Variants in MACF1 observed in about 807,000 individuals in gnomAD.
The protein encoded by MACF1 is microtubule-actin cross-linking factor 1.
In MACF1, 193 loss-of-function variants were observed where a neutral mutation model predicts 854.8. The observed-to-expected ratio is 0.23, with a 90% CI of 0.20 to 0.25. The LOEUF is 0.25. Ranked by LOEUF, MACF1 falls within the 10% of genes least tolerant of loss-of-function variation. The pLI is 1.00. For synonymous variants in MACF1, 3,185 were observed against 3,226.7 expected (o/e 0.99, Z 0.44); for missense variants, 7,722 against 8,929.1 (o/e 0.86, Z 5.45).
Position 39,335,255 on chromosome 1 carries a change from A to T in MACF1, c.8667A>T (p.Glu2889Asp). The change falls in exon 37 of 101, where the codon GAA becomes GAT. Residue 2889 changes from glutamate (E) to aspartate (D), a missense_variant. Around this residue, in one of 15 missense-constraint regions of MACF1, gnomAD observed 854 missense variants for 852.6 expected, o/e 1.00. Transcript: ENST00000564288. ...GQVSLTHPYS[E>D]CDFKLKEVAR... Reference sequence around the variant, plus strand: ...TGTCATTGACACACCCTTACTCTGAATGTGATTTTAAACTTAAAGAAGTGG... The same window carrying T: ...TGTCATTGACACACCCTTACTCTGATTGTGATTTTAAACTTAAAGAAGTGG... 6.2e-7 allele frequency: 1 copy of T among 1,614,072 alleles called. No homozygotes were observed. The highest frequency in any genetic ancestry group is 2.2e-5 in the East Asian group (1 of 44,866).
At chr1:39,111,314 G>A (rs1009266513) in intron 2 of MACF1, among the ~76,000 whole-genome samples, 4 of 152,080 alleles carry the variant, frequency 2.6e-5, no homozygotes, top group African/African-American at 9.7e-5. Flanking sequence ...TCCCATCTCA[G>A]CCTCCGGAGT....
chr1:39,333,925 C>T lies in MACF1; in HGVS notation c.7337C>T (p.Ser2446Phe). 6.2e-7 allele frequency: 1 copy of T among 1,613,976 alleles called. No homozygotes were observed. The highest frequency in any genetic ancestry group is 1.7e-5 in the Admixed American group (1 of 60,000). Residue 2446 changes from serine to phenylalanine, a missense_variant, in exon 37 of 101, where the codon TCC becomes TTC. Transcript: ENST00000564288. ...GAACTTATAAATCTGGAGAAAGCTT[C>T]CAAAGGTAGAGATGCTGAAAAAACA... ...QPELINLEKA[S>F]KGRDAEKTVR...
chr1:39,468,738 G>A lies in MACF1; in HGVS notation c.21889+6G>A, dbSNP rs776860541. ...GAAAAATGATCCCTGCCGAGGTAAG[G>A]AACCATTCTAAGCATGAATTACGTG... On this transcript the variant is annotated splice_donor_region_variant and intron_variant, in intron 96 of 100. Transcript: ENST00000564288. 2.0e-5 allele frequency: 32 copies of A among 1,611,250 alleles called. 1 individual carries two copies. The East Asian group carries it at 7.1e-4, about 36-fold the overall frequency.
chr1:39,467,015 C>T (rs1320809674), intron 95 of MACF1, among the ~76,000 whole-genome samples: 1 of 152,152 alleles, frequency 6.6e-6, no homozygotes, highest in Non-Finnish European at 1.5e-5. Flanking sequence ...CTCAGATATC[C>T]TTTCTTGCAT....
chr1:39,086,059 A>C (rs1641667098), intron 2 of MACF1, among the ~76,000 whole-genome samples: 1 of 152,154 alleles, frequency 6.6e-6, no homozygotes, highest in Non-Finnish European at 1.5e-5. Flanking sequence ...CAGTTAACCC[A>C]CAGGGTGCCC....
intron 79 of MACF1, 111 bp downstream of exon 79, chr1:39,443,685 T>G: frequency 5.0e-6 from 6 of 1,194,384 alleles, no homozygotes; most frequent in African/African-American, 1.5e-5. Context: ...TAGTGCATTT[T>G]TATCAAACAT....
In MACF1 at chr1:39,392,383, A is replaced by G. The variant is rs867790776; in HGVS notation, c.15816+3725A>G. ...TGTATTATAGTCCAGCCATAGATTA[A>G]TCTTTCCTTACTCCAGCAGCAGACC... On this transcript the variant is annotated intron_variant, in intron 58 of 100. Transcript: ENST00000564288. Among the ~76,000 whole-genome samples, 3 of 152,314 alleles carry G rather than the reference A, an allele frequency of 2.0e-5. No homozygotes were observed. The South Asian group carries it at 6.2e-4, about 32-fold the overall frequency.
rs559788900 is a variant in MACF1, at chr1:39,475,894, A to G, written c.21959-3904A>G. On this transcript the variant is annotated intron_variant, in intron 97 of 100. Coordinates refer to ENST00000564288, the MANE Select transcript of MACF1 (RefSeq NM_001394062.1). ...AAGGGGAGAACAGGACTGTGGACAG[A>G]CCCAGCAGACATCCATGTTTTAGAA... Among the ~76,000 whole-genome samples the G allele has an allele frequency of 1.4e-4, 22 of 152,238 alleles. No homozygotes were observed. In the East Asian group the frequency reaches 1.7e-3, roughly 12 times the overall value.
chr1:39,304,224 T>G (rs1646120353), intron 23 of MACF1: 1 of 247,946 alleles, frequency 4.0e-6, no homozygotes, highest in Non-Finnish European at 8.0e-6. Flanking sequence ...GATGTTCCCC[T>G]TCCTGTGTCC....
intron 40 of MACF1, among the ~76,000 whole-genome samples, chr1:39,344,829 A>G (rs892386044): frequency 2.0e-5 from 3 of 152,114 alleles, no homozygotes; most frequent in Admixed American, 2.0e-4. Flanking sequence ...GGAAGCTGCT[A>G]ATCACCAGCT....
At chr1:39,096,245 G>A (rs1428463597) in intron 2 of MACF1, among the ~76,000 whole-genome samples, 10 of 151,518 alleles carry the variant, frequency 6.6e-5, no homozygotes, top group Admixed American at 6.6e-4. Context: ...AAAAGAAACA[G>A]GTGAAAGGAG....
At chr1:39,342,812 G>A (rs545840210) in intron 40 of MACF1, among the ~76,000 whole-genome samples, 51 of 152,150 alleles carry the variant, frequency 3.4e-4, no homozygotes, top group African/African-American at 1.1e-3. Flanking sequence ...GAGCCACCGC[G>A]TCTGGCCAGC....
chr1:39,243,100 T>C (rs1644943982), intron 2 of MACF1, among the ~76,000 whole-genome samples: 1 of 152,256 alleles, frequency 6.6e-6, no homozygotes, highest in Non-Finnish European at 1.5e-5. Flanking sequence ...GCTTTTTTGC[T>C]AACACTTATC....
intron 2 of MACF1, among the ~76,000 whole-genome samples, chr1:39,126,667 A>C (rs1439555731): frequency 6.6e-6 from 1 of 152,038 alleles, no homozygotes; most frequent in East Asian, 1.9e-4. Context: ...GGTGCCTGTA[A>C]TCCCAGTTAC....
intron 2 of MACF1, among the ~76,000 whole-genome samples, chr1:39,100,677 A>G (rs1642047265): frequency 6.6e-6 from 1 of 151,884 alleles, no homozygotes; most frequent in Non-Finnish European, 1.5e-5. Context: ...AACAAGGTGA[A>G]ACCCCATCTC....
intron 58 of MACF1, among the ~76,000 whole-genome samples, chr1:39,405,210 G>A (rs937747909): frequency 1.3e-5 from 2 of 152,152 alleles, no homozygotes; most frequent in African/African-American, 4.8e-5. Flanking sequence ...CCACTCCGTA[G>A]CCATGTTTAT....
chr1:39,460,663 T>C lies in MACF1; in HGVS notation c.21392T>C (p.Val7131Ala). ...GAATTTGCCAACTTTGACTTTGATG[T>C]CTGGAGGAAAAAGTATATGCGTTGG... ...LKEFANFDFDVWRKKYMRWMN... is the reference protein window; with the variant it reads ...LKEFANFDFDAWRKKYMRWMN... The change falls in exon 92 of 101, where the codon GTC becomes GCC. Residue 7131 changes from valine (V) to alanine (A), a missense_variant. Around this residue, in one of 15 missense-constraint regions of MACF1, gnomAD observed 153 missense variants for 342.5 expected, o/e 0.45. Coordinates refer to ENST00000564288, the MANE Select transcript of MACF1 (RefSeq NM_001394062.1). This position sits in a 1 kb window ranked among gnomAD's most constrained non-coding sequence, Gnocchi z 4.1. 1 of 1,614,202 alleles carries C rather than the reference T, an allele frequency of 6.2e-7. No homozygotes were observed. The highest frequency in any genetic ancestry group is 8.5e-7 in the Non-Finnish European group (1 of 1,180,026).
chr1:39,474,801 A>C (rs1644845143), intron 97 of MACF1, among the ~76,000 whole-genome samples: 1 of 152,246 alleles, frequency 6.6e-6, no homozygotes, highest in Non-Finnish European at 1.5e-5. Flanking sequence ...TCAAGAAAAA[A>C]GGTTTTGAAA....
At chr1:39,193,791 GGAGA>G (rs147540075) in intron 2 of MACF1, among the ~76,000 whole-genome samples, 1 of 149,066 alleles carries the variant, frequency 6.7e-6, no homozygotes, top group South Asian at 2.1e-4. Context: ...AGAGAGAGAG[GGAGA>G]GAGAGAGAGA....
Sources: gnomAD v4.1 joint callset for allele counts (sites outside exome capture counted in the v4.1 genomes callset) on GRCh38, gnomAD v4.1.1 for gene constraint, gnomAD v4.1.1 regional missense constraint, Gnocchi (gnomAD v3.1) non-coding constraint, MANE v1.5 for transcripts, NCBI Gene and HGNC (gene_info 2026-07-23, HGNC 2026-07-21) for gene names.